The following RFX3 variants were observed in gnomAD, a reference collection of about 807,000 sequenced individuals.
RFX3 encodes transcription factor RFX3.
RFX3 carries 14 observed loss-of-function variants against 98.6 expected under a neutral mutation model. The observed-to-expected ratio is 0.14, with a 90% CI of 0.09 to 0.22. The LOEUF (loss-of-function observed/expected upper bound fraction) is 0.22. Among genes scored for constraint, RFX3 ranks in the 10% least tolerant of loss-of-function variants. The pLI is 1.00. For synonymous variants in RFX3, 383 were observed against 328.4 expected (o/e 1.17, Z -1.80); for missense variants, 639 against 926.9 (o/e 0.69, Z 4.03).
At chr9:3,325,695 T>C (rs1433646109) in intron 4 of RFX3, among the ~76,000 whole-genome samples, 1 of 152,082 alleles carries the variant, frequency 6.6e-6, no homozygotes, top group South Asian at 2.1e-4. Context: ...TTGGTAATTA[T>C]TGCATACTCT....
chr9:3,469,523 T>C (rs970855265), intron 1 of RFX3, among the ~76,000 whole-genome samples: 1 of 152,182 alleles, frequency 6.6e-6, no homozygotes, highest in Non-Finnish European at 1.5e-5. Flanking sequence ...TTATTCTTGA[T>C]TGTGAACATA....
intron 4 of RFX3, among the ~76,000 whole-genome samples, chr9:3,322,271 G>C (rs1831403608): frequency 6.6e-6 from 1 of 152,078 alleles, no homozygotes; most frequent in Non-Finnish European, 1.5e-5. Context: ...AGTTATTCAA[G>C]TTTCCTTTTG....
chr9:3,348,654 A>G (rs925142543), intron 2 of RFX3, among the ~76,000 whole-genome samples: 4 of 152,042 alleles, frequency 2.6e-5, no homozygotes, highest in Non-Finnish European at 5.9e-5. Context: ...AGTACTGAAA[A>G]TGACTTTATC....
chr9:3,370,511 T>C (rs943023266), intron 2 of RFX3, among the ~76,000 whole-genome samples: 1 of 151,590 alleles, frequency 6.6e-6, no homozygotes, highest in East Asian at 1.9e-4. Flanking sequence ...ATATATATAA[T>C]CTGTGAATCA....
chr9:3,355,489 C>G (rs1835641038), intron 2 of RFX3, among the ~76,000 whole-genome samples: 1 of 151,606 alleles, frequency 6.6e-6, no homozygotes, highest in African/African-American at 2.4e-5. Flanking sequence ...AGAAAAATAT[C>G]AAGAAATAAT....
intron 2 of RFX3, among the ~76,000 whole-genome samples, chr9:3,375,032 T>C (rs187325381): frequency 6.6e-6 from 1 of 152,298 alleles, no homozygotes; most frequent in Admixed American, 6.5e-5. Flanking sequence ...TCCATACTAT[T>C]TGCAGTATGT....
chr9:3,472,769 A>G (rs1321083252), intron 1 of RFX3, among the ~76,000 whole-genome samples: 2 of 152,204 alleles, frequency 1.3e-5, no homozygotes, highest in East Asian at 3.8e-4. Context: ...TCAAATCCCT[A>G]TCTGAACAAC....
rs553238299 is a variant in RFX3 at position 3,466,066 on chromosome 9, T to C, written c.-9+59681A>G. On this transcript the variant is annotated intron_variant, in intron 1 of 16. Coordinates refer to ENST00000617270, the MANE Select transcript of RFX3 (RefSeq NM_001282116.2). The stretch of plus-strand genomic sequence containing the variant: ...TCAAACAGCATTCATTAAGTACCTA[T>C]TTATGCCATGCATAGTACAGAAATG... 4.6e-5 allele frequency among the ~76,000 whole-genome samples: 7 copies of C among 152,286 alleles called. No homozygotes were observed. The East Asian group carries it at 1.4e-3, about 29-fold the overall frequency.
chr9:3,373,957 A>G (rs1387246977), intron 2 of RFX3, among the ~76,000 whole-genome samples: 4 of 152,106 alleles, frequency 2.6e-5, no homozygotes, highest in Non-Finnish European at 5.9e-5. Flanking sequence ...ATGCGCCTGT[A>G]GTCCCAGCTA....
chr9:3,423,050 C>T (rs562933634), intron 1 of RFX3, among the ~76,000 whole-genome samples: 8 of 152,150 alleles, frequency 5.3e-5, no homozygotes, highest in Middle Eastern at 6.8e-3. Flanking sequence ...CTGTTTAGTC[C>T]GACTAAATGC....
chr9:3,353,447 C>G (rs1016280400), intron 2 of RFX3, among the ~76,000 whole-genome samples: 1 of 152,014 alleles, frequency 6.6e-6, no homozygotes, highest in African/African-American at 2.4e-5. Flanking sequence ...ACGACAGCAA[C>G]AGACCCAAGA....
At chr9:3,524,685 C>T in intron 1 of RFX3, 2 of 896,966 alleles carry the variant, frequency 2.2e-6, no homozygotes, top group Non-Finnish European at 1.3e-6. Flanking sequence ...AAATTGTTAA[C>T]ACTCTACTGC....
chr9:3,327,411 G>A (rs938535169), intron 4 of RFX3, among the ~76,000 whole-genome samples: 14 of 151,994 alleles, frequency 9.2e-5, no homozygotes, highest in African/African-American at 2.2e-4. Flanking sequence ...CAATTGAGAC[G>A]GGGATTTAAA....
intron 6 of RFX3, among the ~76,000 whole-genome samples, chr9:3,291,177 C>T (rs1827277873): frequency 6.6e-6 from 1 of 152,032 alleles, no homozygotes; most frequent in Non-Finnish European, 1.5e-5. Context: ...CCAGCCTGGC[C>T]AACATGGCGA....
intron 4 of RFX3, among the ~76,000 whole-genome samples, chr9:3,327,380 G>C (rs1393284032): frequency 6.6e-6 from 1 of 152,062 alleles, no homozygotes; most frequent in African/African-American, 2.4e-5. Context: ...ACCTCACTGT[G>C]AGTCAAGCAG....
intron 1 of RFX3, among the ~76,000 whole-genome samples, chr9:3,441,059 C>A (rs971613070): frequency 2.0e-5 from 3 of 152,112 alleles, no homozygotes; most frequent in African/African-American, 7.2e-5. Flanking sequence ...ACAGCTAACA[C>A]CATACACAAA....
chr9:3,355,407 C>T (rs71506637), intron 2 of RFX3, among the ~76,000 whole-genome samples: 1,627 of 151,572 alleles, frequency 0.011, 16 homozygotes, highest in Non-Finnish European at 0.019. Flanking sequence ...AATGGACTGG[C>T]TATATTAATA....
At position 3,288,255 on chromosome 9, in the gene RFX3, A is replaced by G; in HGVS notation, c.732-5T>C. The G allele has an allele frequency of 6.2e-7, 1 of 1,611,412 alleles. No homozygotes were observed. The highest frequency in any genetic ancestry group is 8.5e-7 in the Non-Finnish European group (1 of 1,177,984). ...TAGTGGTATTTGGAGTTTCCTCTTCATTAATGAACAAGAAACATTAGAAAC... is the reference window on the plus strand; with the variant it reads ...TAGTGGTATTTGGAGTTTCCTCTTCGTTAATGAACAAGAAACATTAGAAAC... On this transcript the variant is annotated splice_polypyrimidine_tract_variant and splice_region_variant and intron_variant, in intron 6 of 16. Transcript: ENST00000617270.
intron 2 of RFX3, among the ~76,000 whole-genome samples, chr9:3,394,100 G>A (rs932095282): frequency 2.6e-5 from 4 of 152,168 alleles, no homozygotes; most frequent in Non-Finnish European, 4.4e-5. Flanking sequence ...CTGGTAGCTT[G>A]AGGGATGGGA....
Sources: gnomAD v4.1 joint callset for allele counts (sites outside exome capture counted in the v4.1 genomes callset) on GRCh38, gnomAD v4.1.1 for gene constraint, MANE v1.5 for transcripts, NCBI Gene and HGNC (gene_info 2026-07-23, HGNC 2026-07-21) for gene names.